KIF3B: variants seen among roughly 807,000 people sequenced by gnomAD.
KIF3B encodes kinesin family member 3B.
Under a neutral mutation model 74.3 loss-of-function variants are expected in KIF3B, and 38 were observed. The observed-to-expected ratio is 0.51, with a 90% CI of 0.39 to 0.67. KIF3B has a LOEUF of 0.67. Ranked by LOEUF, KIF3B falls within the 30% of genes least tolerant of loss-of-function variation. The pLI, the probability that KIF3B is intolerant of heterozygous loss-of-function variation, is 0.00. For missense variants in KIF3B, 649 were observed against 932.0 expected (o/e 0.70, Z 3.95); for synonymous variants, 326 against 342.5 (o/e 0.95, Z 0.53).
intron 1 of KIF3B, among the ~76,000 whole-genome samples, chr20:32,305,909 A>G (rs2047768124): frequency 1.3e-5 from 2 of 151,418 alleles, no homozygotes; most frequent in African/African-American, 2.4e-5. Context: ...TTCCAATTCT[A>G]TTAAATTTAT....
chr20:32,317,944 A>G (rs1393883765), intron 5 of KIF3B, among the ~76,000 whole-genome samples: 1 of 152,174 alleles, frequency 6.6e-6, no homozygotes, highest in African/African-American at 2.4e-5. Flanking sequence ...CCCAGCCCAC[A>G]ATACTGTTTT....
chr20:32,309,767 C>T lies in KIF3B; in HGVS notation c.-11C>T. The T allele has an allele frequency of 6.2e-7, 1 of 1,606,690 alleles. No individual in the cohort carries two copies. Among genetic ancestry groups the T allele is most frequent in the Non-Finnish European group, 8.5e-7 (1 of 1,175,926 alleles). ...GACACTTCTCAAGATTTGACTGGAT[C>T]AGAGTTCATCATGTCAAAGTTGAAA... is the stretch of plus-strand genomic sequence containing the variant. On this transcript the variant is annotated 5_prime_UTR_variant, in exon 2 of 9. Transcript: ENST00000375712.
chr20:32,281,057 A>G (rs1020392316), intron 1 of KIF3B, among the ~76,000 whole-genome samples: 1 of 152,198 alleles, frequency 6.6e-6, no homozygotes, highest in African/African-American at 2.4e-5. Context: ...TCATCCATTA[A>G]TTCGCAAGTC....
Position 32,310,269 on chromosome 20 carries a change from T to G in KIF3B, c.492T>G (p.Leu164=), listed in dbSNP as rs754158662. ...DLLSKDQTKR[L]ELKERPDTGV... ...TCTCAAAGGATCAGACCAAAAGGCT[T>G]GAGCTCAAAGAGAGGCCTGACACAG... Residue 164 remains leucine (L), a synonymous_variant, in exon 2 of 9, where the codon CTT becomes CTG. Coordinates refer to ENST00000375712, the MANE Select transcript of KIF3B (RefSeq NM_004798.4). This position sits in a 1 kb window ranked among gnomAD's most constrained non-coding sequence, Gnocchi z 6.5. The G allele has an allele frequency of 9.9e-6, 16 of 1,613,768 alleles. No homozygotes were observed. The Admixed American group carries it at 2.7e-4, about 27-fold the overall frequency.
intron 1 of KIF3B, among the ~76,000 whole-genome samples, chr20:32,285,686 G>A (rs1050963694): frequency 1.3e-5 from 2 of 152,110 alleles, no homozygotes; most frequent in African/African-American, 4.8e-5. Context: ...TAAAGATATA[G>A]GACAGTTCTT....
chr20:32,315,344 T>C (rs577403139), intron 2 of KIF3B, among the ~76,000 whole-genome samples: 1 of 152,252 alleles, frequency 6.6e-6, no homozygotes, highest in African/African-American at 2.4e-5. Flanking sequence ...CTAATTCCTA[T>C]TTTTTAACTT....
chr20:32,315,297 C>T (rs769639324), intron 2 of KIF3B, among the ~76,000 whole-genome samples: 48 of 152,308 alleles, frequency 3.2e-4, no homozygotes, highest in Middle Eastern at 6.8e-3. Context: ...TTCATCACTT[C>T]CCACCTTCCC....
intron 5 of KIF3B, among the ~76,000 whole-genome samples, chr20:32,326,492 A>G (rs2047904341): frequency 6.6e-6 from 1 of 152,162 alleles, no homozygotes; most frequent in South Asian, 2.1e-4. Context: ...GCCCCTTCCC[A>G]GGCAGAAGTG....
At chr20:32,301,200 G>A (rs1290966217) in intron 1 of KIF3B, among the ~76,000 whole-genome samples, 1 of 139,810 alleles carries the variant, frequency 7.2e-6, no homozygotes, top group Middle Eastern at 3.8e-3. Flanking sequence ...CAATTCTCCC[G>A]CCTCAGCCTC....
intron 1 of KIF3B, among the ~76,000 whole-genome samples, chr20:32,286,145 G>A (rs1276148077): frequency 6.6e-6 from 1 of 152,172 alleles, no homozygotes; most frequent in East Asian, 1.9e-4. Flanking sequence ...AATGGAAATG[G>A]GTTCAAGTGA....
intron 1 of KIF3B, among the ~76,000 whole-genome samples, chr20:32,299,853 A>C (rs2047735005): frequency 6.6e-6 from 1 of 151,760 alleles, no homozygotes. Flanking sequence ...CAGTGGTGTG[A>C]TCCTGACTTG....
intron 5 of KIF3B, among the ~76,000 whole-genome samples, chr20:32,323,102 TTA>T (rs1358030694): frequency 1.1e-4 from 10 of 88,832 alleles, no homozygotes; most frequent in South Asian, 3.4e-4. Flanking sequence ...ATTTATATAT[TTA>T]TATATATTTA....
chr20:32,323,377 AG>A (rs1406044836), intron 5 of KIF3B, among the ~76,000 whole-genome samples: 2 of 150,926 alleles, frequency 1.3e-5, no homozygotes, highest in Non-Finnish European at 2.9e-5. Flanking sequence ...TTTTAATCTG[AG>A]GCAATTCTTT....
chr20:32,304,502 A>C (rs1407506437), intron 1 of KIF3B, among the ~76,000 whole-genome samples: 3 of 152,220 alleles, frequency 2.0e-5, no homozygotes, highest in Admixed American at 6.5e-5. Flanking sequence ...TGTACGTCCT[A>C]GGTTTTTCAC....
At chr20:32,297,265 G>A (rs918041236) in intron 1 of KIF3B, among the ~76,000 whole-genome samples, 27 of 152,198 alleles carry the variant, frequency 1.8e-4, no homozygotes, top group African/African-American at 6.3e-4. Context: ...TTTGAGGTGC[G>A]TTAGTATGCA....
chr20:32,331,242 T>G lies in KIF3B; in HGVS notation c.2167T>G (p.Ser723Ala). 6.2e-7 allele frequency: 1 copy of G among 1,613,284 alleles called. No individual in the cohort carries two copies. The highest frequency in any genetic ancestry group is 8.5e-7 in the Non-Finnish European group (1 of 1,179,648). ...SKARPKSGRKSGSSSSSSGTP... is the reference protein window; with the variant it reads ...SKARPKSGRKAGSSSSSSGTP... ...TTGCAGGCCTAAAAGTGGAAGGAAG[T>G]CGGGATCCTCCTCCTCTTCCTCAGG... Residue 723 changes from serine to alanine, a missense_variant, in exon 9 of 9, where the codon TCG becomes GCG. Physicochemically the swap from Ser to Ala is moderately conservative, Grantham distance 99. This residue lies in a region of KIF3B where 186 missense variants were observed against 198.5 expected (regional missense o/e 0.94). Transcript: ENST00000375712.
At position 32,297,837 on chromosome 20, in the gene KIF3B, G is replaced by A. The variant is rs575906889; in HGVS notation, c.-65-11876G>A. ...ATATGAAATTGTTAGGCCGGGTGCT[G>A]TGGCTCACGCCTATAATCCCAGCAC... is the stretch of plus-strand genomic sequence containing the variant. On this transcript the variant is annotated intron_variant, in intron 1 of 8. Coordinates refer to ENST00000375712, the MANE Select transcript of KIF3B (RefSeq NM_004798.4). Among the ~76,000 whole-genome samples, 5 of 152,186 alleles carry A rather than the reference G, an allele frequency of 3.3e-5. No homozygotes were observed. The South Asian group carries it at 1.0e-3, about 32-fold the overall frequency.
chr20:32,284,791 T>C (rs188127918), intron 1 of KIF3B, among the ~76,000 whole-genome samples: 3 of 152,330 alleles, frequency 2.0e-5, no homozygotes, highest in Admixed American at 2.0e-4. Context: ...TTACCAATGA[T>C]AATGACAATG....
chr20:32,278,150 A>T (rs529024055), intron 1 of KIF3B, among the ~76,000 whole-genome samples: 1 of 79,040 alleles, frequency 1.3e-5, no homozygotes, highest in Non-Finnish European at 2.1e-5. Flanking sequence ...TGTTTATTCA[A>T]TGGGGTCCTA....
Sources: gnomAD v4.1 joint callset for allele counts (sites outside exome capture counted in the v4.1 genomes callset) on GRCh38, gnomAD v4.1.1 for gene constraint, gnomAD v4.1.1 regional missense constraint, Gnocchi (gnomAD v3.1) non-coding constraint, MANE v1.5 for transcripts, NCBI Gene and HGNC (gene_info 2026-07-23, HGNC 2026-07-21) for gene names.